The following DCC variants were observed in gnomAD, a reference collection of about 807,000 sequenced individuals.
DCC encodes DCC netrin 1 receptor.
Under a neutral mutation model 172.5 loss-of-function variants are expected in DCC, and 58 were observed. The observed-to-expected ratio is 0.34, with a 90% confidence interval of 0.27 to 0.42. The LOEUF is 0.42. Ranked by LOEUF, DCC falls within the 10% of genes least tolerant of loss-of-function variation. The probability of loss-of-function intolerance (pLI) is 1.00; values close to 1 mark genes in which losing one functional copy is unlikely to be tolerated. For missense variants in DCC, 1,740 were observed against 1,791.0 expected (o/e 0.97, Z 0.51); for synonymous variants, 709 against 644.5 (o/e 1.10, Z -1.52).
intron 2 of DCC, among the ~76,000 whole-genome samples, chr18:52,843,640 A>G (rs2038841334): frequency 6.6e-6 from 1 of 152,162 alleles, no homozygotes; most frequent in African/African-American, 2.4e-5. Flanking sequence ...TTTACAAGTG[A>G]AAGTAAATCT....
chr18:52,694,037 G>A (rs1599024374), intron 1 of DCC, among the ~76,000 whole-genome samples: 1 of 152,082 alleles, frequency 6.6e-6, no homozygotes, highest in Non-Finnish European at 1.5e-5. Context: ...CCACTGGCTT[G>A]ATCAGTGATC....
chr18:52,602,948 T>G (rs887915407), intron 1 of DCC, among the ~76,000 whole-genome samples: 12 of 152,054 alleles, frequency 7.9e-5, no homozygotes, highest in African/African-American at 2.9e-4. Context: ...GTATAGAGGA[T>G]AGACGGGCTT....
In DCC at chr18:53,079,236, TTTGATCTCATGAATTCCA is replaced by T. The variant is rs2042765541; in HGVS notation, c.1261+13072_1261+13089del. On this transcript the variant is annotated intron_variant, in intron 7 of 28. Coordinates refer to ENST00000442544, the MANE Select transcript of DCC (RefSeq NM_005215.4). ...GAATTGGTAGCCTATACATAAGTCT[TTTGATCTCATGAATTCCA>T]TGTCCAATTTTTGACACGTAGACCA... 3.9e-4 allele frequency among the ~76,000 whole-genome samples: 59 copies of T among 152,224 alleles called. 1 individual carries two copies. The South Asian group carries it at 0.012, about 30-fold the overall frequency.
intron 15 of DCC, among the ~76,000 whole-genome samples, chr18:53,357,390 G>T (rs2057889332): frequency 6.6e-6 from 1 of 152,022 alleles, no homozygotes; most frequent in Non-Finnish European, 1.5e-5. Context: ...GTTAACTTCA[G>T]CATCTCCCCC....
chr18:53,434,383 C>T (rs561285096), intron 21 of DCC, among the ~76,000 whole-genome samples: 10 of 152,174 alleles, frequency 6.6e-5, no homozygotes, highest in African/African-American at 2.4e-4. Flanking sequence ...TCTATGAATG[C>T]ACCAGTAGAG....
chr18:52,813,177 A>G (rs2038231549), intron 2 of DCC, among the ~76,000 whole-genome samples: 1 of 151,102 alleles, frequency 6.6e-6, no homozygotes, highest in Non-Finnish European at 1.5e-5. Flanking sequence ...TTCCAGGAAA[A>G]ATCTTCTTAA....
chr18:53,461,132 G>T (rs184098472), intron 24 of DCC, among the ~76,000 whole-genome samples: 79 of 152,246 alleles, frequency 5.2e-4, no homozygotes, highest in African/African-American at 1.8e-3. Context: ...GGGGTTGTTT[G>T]TTATTTTCTT....
At chr18:52,546,394 A>G (rs1002697747) in intron 1 of DCC, among the ~76,000 whole-genome samples, 3 of 152,018 alleles carry the variant, frequency 2.0e-5, no homozygotes, top group Non-Finnish European at 4.4e-5. Flanking sequence ...AGAAACAAAT[A>G]ACATATATGT....
intron 2 of DCC, chr18:52,753,955 T>A (rs2037037906): frequency 6.6e-6 from 1 of 152,122 alleles, no homozygotes; most frequent in Non-Finnish European, 1.5e-5. Flanking sequence ...GAACTTGAAA[T>A]AAATTTAAGT....
intron 7 of DCC, among the ~76,000 whole-genome samples, chr18:53,155,944 G>T (rs1190492124): frequency 6.6e-6 from 1 of 151,942 alleles, no homozygotes; most frequent in Admixed American, 6.6e-5. Flanking sequence ...GAAATAAATT[G>T]TATCAGAACA....
intron 5 of DCC, among the ~76,000 whole-genome samples, chr18:52,961,984 A>T (rs1157917487): frequency 6.6e-6 from 1 of 152,228 alleles, no homozygotes; most frequent in African/African-American, 2.4e-5. Flanking sequence ...CTTAAATGTT[A>T]GACCTAAAAC....
chr18:52,491,117 G>T (rs1421260956), intron 1 of DCC, among the ~76,000 whole-genome samples: 1 of 151,938 alleles, frequency 6.6e-6, no homozygotes, highest in Non-Finnish European at 1.5e-5. Context: ...GACCTAGAAT[G>T]TTCTTTTCTT....
At chr18:53,351,337 G>GTATATA (rs1165093443) in intron 15 of DCC, among the ~76,000 whole-genome samples, 4 of 11,648 alleles carry the variant, frequency 3.4e-4, no homozygotes, top group African/African-American at 9.2e-4. Context: ...TATATACAGT[G>GTATATA]TATATATATA....
intron 1 of DCC, among the ~76,000 whole-genome samples, chr18:52,497,463 A>G (rs1273870292): frequency 7.1e-6 from 1 of 140,128 alleles, no homozygotes; most frequent in Non-Finnish European, 1.5e-5. Flanking sequence ...AGTTTTTTTA[A>G]AAAAGCAGAA....
chr18:52,710,626 A>G (rs539895003), intron 1 of DCC, among the ~76,000 whole-genome samples: 1 of 152,292 alleles, frequency 6.6e-6, no homozygotes, highest in Non-Finnish European at 1.5e-5. Flanking sequence ...ATTTTTAAAC[A>G]TTTCTTCATA....
At chr18:52,974,878 G>T (rs2041092160) in intron 5 of DCC, among the ~76,000 whole-genome samples, 1 of 152,116 alleles carries the variant, frequency 6.6e-6, no homozygotes, top group African/African-American at 2.4e-5. Context: ...AAATTATATT[G>T]TGCTGTGAGT....
At chr18:52,431,674 C>G (rs892556773) in intron 1 of DCC, among the ~76,000 whole-genome samples, 24 of 152,194 alleles carry the variant, frequency 1.6e-4, no homozygotes, top group Non-Finnish European at 2.9e-4. Flanking sequence ...GCAACAAGTA[C>G]AGTGAAGGGT....
At chr18:52,737,833 T>G (rs1378601393) in intron 1 of DCC, among the ~76,000 whole-genome samples, 1 of 152,132 alleles carries the variant, frequency 6.6e-6, no homozygotes, top group Admixed American at 6.5e-5. Flanking sequence ...CTTTTAAAGC[T>G]TATAAATGCT....
chr18:53,395,339 C>T (rs1254938551), intron 17 of DCC, among the ~76,000 whole-genome samples: 2 of 152,116 alleles, frequency 1.3e-5, no homozygotes, highest in Non-Finnish European at 2.9e-5. Context: ...CAGTCTAGAA[C>T]ACAAAGACGA....
Sources: allele counts gnomAD v4.1 joint callset (sites outside exome capture counted in the v4.1 genomes callset), GRCh38; gene constraint gnomAD v4.1.1; transcripts MANE v1.5; gene names NCBI Gene and HGNC (gene_info 2026-07-23, HGNC 2026-07-21).